LEPR: variants seen among roughly 807,000 people sequenced by gnomAD.
LEPR encodes the protein OB receptor.
LEPR carries 56 observed loss-of-function variants against 114.7 expected under a neutral mutation model. That is an observed-to-expected ratio of 0.49 (90% CI 0.39 to 0.61). LEPR has a LOEUF of 0.61. Ranked by LOEUF, LEPR falls within the 20% of genes least tolerant of loss-of-function variation. LEPR has a pLI of 0.00. For missense variants in LEPR, 1,202 were observed against 1,352.9 expected, an observed-to-expected ratio of 0.89 and a Z score of 1.75; for synonymous variants, 443 against 461.4, an observed-to-expected ratio of 0.96 and a Z score of 0.51.
At chr1:65,457,319 T>A (rs76997537) in intron 2 of LEPR, among the ~76,000 whole-genome samples, 11,359 of 152,272 alleles carry the variant, frequency 0.075, 513 homozygotes, top group African/African-American at 0.12. Context: ...TCCTTCTGTA[T>A]TCATATTATG....
chr1:65,556,920 T>C (rs1383732457), intron 2 of LEPR, among the ~76,000 whole-genome samples: 1 of 152,156 alleles, frequency 6.6e-6, no homozygotes, highest in Non-Finnish European at 1.5e-5. Flanking sequence ...TCACTGTGAC[T>C]ACTGTGTTAG....
chr1:65,444,340 C>A (rs1646686650), intron 2 of LEPR, among the ~76,000 whole-genome samples: 1 of 152,016 alleles, frequency 6.6e-6, no homozygotes, highest in South Asian at 2.1e-4. Context: ...CTCCCCACAC[C>A]CTCTCATAAT....
At chr1:65,510,215 C>T (rs1307534261) in intron 2 of LEPR, among the ~76,000 whole-genome samples, 1 of 152,128 alleles carries the variant, frequency 6.6e-6, no homozygotes, top group Non-Finnish European at 1.5e-5. Context: ...TTCCTGTTGC[C>T]TGACTGTTGA....
intron 4 of LEPR, 28 bp from the exon 5 acceptor site, chr1:65,572,298 T>TTTTG: frequency 7.1e-7 from 1 of 1,408,702 alleles, no homozygotes; most frequent in Non-Finnish European, 9.2e-7. Flanking sequence ...TTGTTTTTTT[T>TTTTG]TTTTTTTTTT....
chr1:65,582,393 A>G (rs963525969), intron 5 of LEPR, among the ~76,000 whole-genome samples: 12 of 152,126 alleles, frequency 7.9e-5, no homozygotes, highest in Non-Finnish European at 4.4e-5. Context: ...TGGGGTTCCA[A>G]GTTCTTCATG....
At chr1:65,636,105 TA>T in intron 19 of LEPR, 85 bp from the exon 20 acceptor site, 2 of 1,454,228 alleles carry the variant, frequency 1.4e-6, no homozygotes, top group Non-Finnish European at 1.9e-6. Flanking sequence ...ATTATTAACT[TA>T]ACACACTTCC....
At chr1:65,575,457 TAA>T (rs3838396) in intron 5 of LEPR, among the ~76,000 whole-genome samples, 1 of 149,768 alleles carries the variant, frequency 6.7e-6, no homozygotes, top group Non-Finnish European at 1.5e-5. Context: ...AACTATACTT[TAA>T]AAAAAAAATC....
At chr1:65,449,637 C>T (rs927299199) in intron 2 of LEPR, among the ~76,000 whole-genome samples, 9 of 151,482 alleles carry the variant, frequency 5.9e-5, no homozygotes, top group South Asian at 4.2e-4. Flanking sequence ...AGCTTCCCTC[C>T]GGCAACTACC....
At chr1:65,614,898 C>G (rs1426972521) in intron 14 of LEPR, among the ~76,000 whole-genome samples, 1 of 151,990 alleles carries the variant, frequency 6.6e-6, no homozygotes, top group Admixed American at 6.5e-5. Context: ...GAAGAAATGG[C>G]TAATTTTAGG....
At chr1:65,457,375 G>A (rs1470975440) in intron 2 of LEPR, among the ~76,000 whole-genome samples, 1 of 151,978 alleles carries the variant, frequency 6.6e-6, no homozygotes, top group African/African-American at 2.4e-5. Context: ...TGAATATGCT[G>A]TCCTGCTTTT....
At position 65,625,162 on chromosome 1, in the gene LEPR, CATGGTGAGTATTTAT is replaced by C. The variant is rs1256029618; in HGVS notation, c.2673+2185_2673+2199del. 2.0e-5 allele frequency among the ~76,000 whole-genome samples: 3 copies of C among 152,136 alleles called. No homozygotes were observed. In the East Asian group the frequency reaches 5.8e-4, roughly 29 times the overall value. On this transcript the variant is annotated intron_variant, in intron 19 of 19. Transcript: ENST00000349533. Reference sequence around the variant, plus strand: ...CGTTCATTCATTTGTTCAACAAGCACATGGTGAGTATTTATATGTAAGGCTTGGCTGTTGCTAGGG... The same window carrying C: ...CGTTCATTCATTTGTTCAACAAGCACATGTAAGGCTTGGCTGTTGCTAGGG...
intron 2 of LEPR, among the ~76,000 whole-genome samples, chr1:65,558,520 TCAGAAGTTTTTTTTTTTGTTTTTTTTTTG>T (rs1653009199): frequency 2.4e-3 from 78 of 33,076 alleles, no homozygotes; most frequent in Non-Finnish European, 3.2e-3. Context: ...TTTTTTTGAA[TCAGAAGTTTTTTTTTTTGTTTTTTTTTTG>T]TTTTTTTTTT....
intron 4 of LEPR, 91 bp downstream of exon 4, chr1:65,570,893 A>G: frequency 9.2e-7 from 1 of 1,084,368 alleles, no homozygotes; most frequent in Non-Finnish European, 1.2e-6. Flanking sequence ...CTATGATTTT[A>G]ACATACATAA....
intron 2 of LEPR, among the ~76,000 whole-genome samples, chr1:65,491,592 G>A (rs1222839507): frequency 5.9e-5 from 9 of 151,994 alleles, no homozygotes; most frequent in African/African-American, 1.9e-4. Flanking sequence ...AAGGGAAAGC[G>A]CTTTCTCCTC....
chr1:65,618,092 G>A lies in LEPR; in HGVS notation c.2341G>A (p.Gly781Ser). ...IIEWKNLNED[G>S]EIKWLRISSS... ...TGAGTGGAAAAATCTTAATGAAGAT[G>A]GTGAAATAAAATGGCTTAGAATCTC... Residue 781 changes from glycine (G) to serine (S), a missense_variant, in exon 16 of 20, where the codon GGT becomes AGT. Transcript: ENST00000349533. 4 of 1,610,920 alleles carry A rather than the reference G, an allele frequency of 2.5e-6. No homozygotes were observed. The highest frequency in any genetic ancestry group is 3.4e-6 in the Non-Finnish European group (4 of 1,178,646).
At chr1:65,614,037 G>T (rs1371443814) in intron 14 of LEPR, among the ~76,000 whole-genome samples, 2 of 152,108 alleles carry the variant, frequency 1.3e-5, no homozygotes, top group Non-Finnish European at 2.9e-5. Context: ...AGCCAGTTTG[G>T]TAATTTCTTA....
intron 2 of LEPR, among the ~76,000 whole-genome samples, chr1:65,449,009 T>G (rs1646746754): frequency 1.3e-5 from 2 of 152,196 alleles, no homozygotes; most frequent in Admixed American, 1.3e-4. Context: ...CTCTCTTGCC[T>G]CAACCTCCCC....
At chr1:65,622,814 G>A in intron 18 of LEPR, 92 bp from the exon 19 acceptor site, 1 of 1,336,732 alleles carries the variant, frequency 7.5e-7, no homozygotes, top group Non-Finnish European at 1.1e-6. Flanking sequence ...TTGATCTGGT[G>A]GACTAATTTC....
chr1:65,452,129 G>T (rs911254478), intron 2 of LEPR, among the ~76,000 whole-genome samples: 1 of 152,098 alleles, frequency 6.6e-6, no homozygotes, highest in Non-Finnish European at 1.5e-5. Context: ...CATTGATTTT[G>T]TATCCTGAGA....
Sources: gnomAD v4.1 joint callset for allele counts (sites outside exome capture counted in the v4.1 genomes callset) on GRCh38, gnomAD v4.1.1 for gene constraint, MANE v1.5 for transcripts, NCBI Gene and HGNC (gene_info 2026-07-23, HGNC 2026-07-21) for gene names.